Variants in USP43 observed in about 807,000 individuals in gnomAD.
The protein encoded by USP43 is ubiquitin carboxyl-terminal hydrolase 43.
A neutral mutation model predicts 90.7 loss-of-function variants in USP43; 33 were observed. The ratio of observed to expected loss-of-function variants is 0.36; its 90% CI spans 0.28 to 0.49. The LOEUF (loss-of-function observed/expected upper bound fraction) is 0.49. Ranked by LOEUF, USP43 falls within the 20% of genes least tolerant of loss-of-function variation. USP43 has a pLI of 0.98. For synonymous variants in USP43, 598 were observed against 615.8 expected (o/e 0.97, Z 0.43); for missense variants, 1,274 against 1,476.4 (o/e 0.86, Z 2.25).
rs1430802552 is a variant in USP43 at position 9,674,577 on chromosome 17, C to T, written c.741-314C>T. On this transcript the variant is annotated intron_variant, in intron 3 of 14. Transcript: ENST00000285199. The surrounding 1 kb of genome is among the most constrained non-coding windows in gnomAD (Gnocchi z 4.4). ...TTAGCGTGCTGTTTTCAAGGTTCATCCACGTTGTAGTATGGACCAGGGGTT... is the reference window on the plus strand; with the variant it reads ...TTAGCGTGCTGTTTTCAAGGTTCATTCACGTTGTAGTATGGACCAGGGGTT... Among the ~76,000 whole-genome samples, 4 of 152,176 alleles carry T rather than the reference C, an allele frequency of 2.6e-5. No homozygotes were observed. Among genetic ancestry groups the T allele is most frequent in the Non-Finnish European group, 4.4e-5 (3 of 68,024 alleles).
intron 2 of USP43, among the ~76,000 whole-genome samples, chr17:9,665,344 T>C (rs1912964190): frequency 6.6e-6 from 1 of 151,666 alleles, no homozygotes; most frequent in South Asian, 2.1e-4. Flanking sequence ...AAGAAAGAGG[T>C]TTAATTGACT....
At chr17:9,651,489 TCA>T (rs1200569351) in intron 1 of USP43, among the ~76,000 whole-genome samples, 1 of 152,224 alleles carries the variant, frequency 6.6e-6, no homozygotes, top group Non-Finnish European at 1.5e-5. Flanking sequence ...TGCTTTGGTC[TCA>T]ATGTTTTTAT....
intron 9 of USP43, among the ~76,000 whole-genome samples, chr17:9,696,147 T>G (rs1915247469): frequency 6.6e-6 from 1 of 151,560 alleles, no homozygotes; most frequent in Non-Finnish European, 1.5e-5. Flanking sequence ...GTTTTGTTTG[T>G]TTTTTAGACA....
At position 9,658,440 on chromosome 17, in the gene USP43, G is replaced by C. The variant is rs575667701; in HGVS notation, c.636+1906G>C. 1.9e-3 allele frequency among the ~76,000 whole-genome samples: 289 copies of C among 152,270 alleles called. 2 individuals are homozygous for C. Among genetic ancestry groups the C allele is most frequent in the African/African-American group, 6.8e-3 (283 of 41,546 alleles). On this transcript the variant is annotated intron_variant, in intron 2 of 14. Coordinates refer to ENST00000285199, the MANE Select transcript of USP43 (RefSeq NM_153210.5). ...TTGGGTAACCTTCTAAAGCCGCACAGCTAAGTAAAGGACAGAGTCAGGATT... is the reference window on the plus strand; with the variant it reads ...TTGGGTAACCTTCTAAAGCCGCACACCTAAGTAAAGGACAGAGTCAGGATT...
intron 14 of USP43, among the ~76,000 whole-genome samples, chr17:9,716,168 C>G (rs1916559375): frequency 6.6e-6 from 1 of 151,982 alleles, no homozygotes; most frequent in Non-Finnish European, 1.5e-5. Flanking sequence ...AAAGTGGTAA[C>G]ATGTTCAAAT....
In USP43 at chr17:9,664,254, C is replaced by T. The variant is rs537229341; in HGVS notation, c.637-2394C>T. ...ACGTTGTACTAAATTTGCTTTATCA[C>T]GCATTTACCCATCTGTCTCTCTATC... On this transcript the variant is annotated intron_variant, in intron 2 of 14. Transcript: ENST00000285199. Among the ~76,000 whole-genome samples, 9 of 152,324 alleles carry T rather than the reference C, an allele frequency of 5.9e-5. No homozygotes were observed. The East Asian group carries it at 1.2e-3, about 20-fold the overall frequency.
At chr17:9,718,262 A>C (rs1053136738) in intron 14 of USP43, among the ~76,000 whole-genome samples, 1 of 152,108 alleles carries the variant, frequency 6.6e-6, no homozygotes, top group Non-Finnish European at 1.5e-5. Context: ...CTTCAAGTTC[A>C]AGTTCAGGTT....
At position 9,678,637 on chromosome 17, in the gene USP43, G is replaced by A. The variant is rs181801901; in HGVS notation, c.970-1594G>A. The stretch of plus-strand genomic sequence containing the variant: ...TTACAGGCGTGAGCCACTGCGCCCG[G>A]CCTGTATTTGGATTTATTTATGTCA... On this transcript the variant is annotated intron_variant, in intron 5 of 14. Coordinates refer to ENST00000285199, the MANE Select transcript of USP43 (RefSeq NM_153210.5). 1.8e-3 allele frequency among the ~76,000 whole-genome samples: 270 copies of A among 151,720 alleles called. 1 individual carries two copies. Among genetic ancestry groups the A allele is most frequent in the African/African-American group, 5.7e-3 (235 of 41,338 alleles).
intron 14 of USP43, among the ~76,000 whole-genome samples, chr17:9,720,909 A>C (rs1168565853): frequency 6.6e-6 from 1 of 152,168 alleles, no homozygotes; most frequent in Non-Finnish European, 1.5e-5. Context: ...AAAAGTCACC[A>C]CTGCAAAGTG....
At chr17:9,655,803 A>G (rs1162463681) in intron 1 of USP43, among the ~76,000 whole-genome samples, 4 of 152,232 alleles carry the variant, frequency 2.6e-5, no homozygotes, top group Non-Finnish European at 4.4e-5. Context: ...TGCCCTAACC[A>G]CAGAAACAAG....
At chr17:9,697,516 A>G (rs1032887024) in intron 9 of USP43, among the ~76,000 whole-genome samples, 4 of 151,918 alleles carry the variant, frequency 2.6e-5, no homozygotes, top group South Asian at 2.1e-4. Context: ...CTCAATATCT[A>G]TTGTTCCCAT....
At chr17:9,678,913 G>A (rs543075638) in intron 5 of USP43, among the ~76,000 whole-genome samples, 5 of 151,996 alleles carry the variant, frequency 3.3e-5, no homozygotes, top group African/African-American at 1.2e-4. Context: ...TTACTAAAAT[G>A]TCAACTTGCA....
At chr17:9,681,679 A>C (rs1182333634) in intron 6 of USP43, among the ~76,000 whole-genome samples, 2 of 150,758 alleles carry the variant, frequency 1.3e-5, no homozygotes, top group African/African-American at 4.9e-5. Context: ...TTTTTAGTAG[A>C]GATGGGGTTT....
chr17:9,696,413 C>T (rs923933131), intron 9 of USP43, among the ~76,000 whole-genome samples: 8 of 152,244 alleles, frequency 5.3e-5, no homozygotes, highest in South Asian at 2.1e-4. Flanking sequence ...GGATTACAGT[C>T]GTGAGCCACC....
intron 8 of USP43, among the ~76,000 whole-genome samples, chr17:9,687,789 T>G (rs1914679291): frequency 6.6e-6 from 1 of 152,226 alleles, no homozygotes; most frequent in African/African-American, 2.4e-5. Flanking sequence ...AAATAACATT[T>G]TGTTAAAAAC....
chr17:9,645,839 AG>A lies in USP43; in HGVS notation c.208del (p.Ala70ArgfsTer34). 1 of 1,402,346 alleles carries A rather than the reference AG, an allele frequency of 7.1e-7. No homozygotes were observed. Among genetic ancestry groups the A allele is most frequent in the Non-Finnish European group, 9.2e-7 (1 of 1,084,368 alleles). The allele number at this position is 1,402,346 out of a possible 1,614,324, so 86.9% of individuals were successfully genotyped here. On this transcript the variant is annotated frameshift_variant, in exon 1 of 15. Coordinates refer to ENST00000285199, the MANE Select transcript of USP43 (RefSeq NM_153210.5). LOFTEE classifies it high-confidence loss of function. The surrounding 1 kb of genome is among the most constrained non-coding windows in gnomAD (Gnocchi z 6.8). ...TCGCCTGCGCCCCGGGCCCAGTTCC[AG>A]CGGCCCCCGGGAGCCCCGGGGAGGA... The part of the protein sequence containing the change: ...GFACAPGPVP[A>X]APGSPGEERP...
intron 14 of USP43, among the ~76,000 whole-genome samples, chr17:9,717,925 T>C (rs1489477689): frequency 3.3e-5 from 5 of 151,720 alleles, no homozygotes; most frequent in Middle Eastern, 3.4e-3. Context: ...GACTCCCGAG[T>C]AGCTGGGACT....
chr17:9,728,888 G>A lies in USP43; in HGVS notation c.3270G>A (p.Arg1090=). The part of the protein sequence containing the change: ...PRGSALGMSQ[R]TVPGEQASYG... ...GCAGTGCACTGGGCATGTCACAAAG[G>A]ACTGTTCCAGGGGAGCAGGCTTCTT... The change falls in exon 15 of 15, where the codon AGG becomes AGA. Residue 1090 remains arginine, a synonymous_variant. Transcript: ENST00000285199. The surrounding 1 kb of genome is among the most constrained non-coding windows in gnomAD (Gnocchi z 6.2). The A allele has an allele frequency of 6.2e-7, 1 of 1,613,938 alleles. No individual in the cohort carries two copies. The highest frequency in any genetic ancestry group is 8.5e-7 in the Non-Finnish European group (1 of 1,179,826).
At chr17:9,698,870 G>A (rs1915414489) in intron 9 of USP43, among the ~76,000 whole-genome samples, 1 of 152,132 alleles carries the variant, frequency 6.6e-6, no homozygotes, top group East Asian at 1.9e-4. Context: ...GTCCAATTTG[G>A]GCTTTCAAAT....
Sources: allele counts gnomAD v4.1 joint callset (sites outside exome capture counted in the v4.1 genomes callset), GRCh38; gene constraint gnomAD v4.1.1; non-coding constraint Gnocchi (gnomAD v3.1); transcripts MANE v1.5; gene names NCBI Gene and HGNC (gene_info 2026-07-23, HGNC 2026-07-21).